Variants in ALG5 observed in about 807,000 individuals in gnomAD.
The protein encoded by ALG5 is ALG5 dolichyl-phosphate beta-glucosyltransferase.
ALG5 carries 26 observed loss-of-function variants against 51.8 expected under a neutral mutation model. The observed-to-expected ratio is 0.50, with a 90% CI of 0.37 to 0.70. ALG5 has a LOEUF of 0.70. Ranked by LOEUF, ALG5 falls within the 30% of genes least tolerant of loss-of-function variation. ALG5 has a pLI of 0.00. For synonymous variants in ALG5, 141 were observed against 136.1 expected (o/e 1.04, Z -0.25); for missense variants, 311 against 399.3 (o/e 0.78, Z 1.88).
chr13:36,967,741 G>A (rs1473961486), intron 7 of ALG5: 5 of 977,918 alleles, frequency 5.1e-6, no homozygotes, highest in African/African-American at 1.7e-5. Context: ...CTTGCTCAGT[G>A]CCTTCCATAC....
intron 8 of ALG5, 99 bp downstream of exon 8, chr13:36,965,476 A>C (rs976737563): frequency 2.4e-5 from 30 of 1,265,478 alleles, no homozygotes; most frequent in Non-Finnish European, 3.2e-5. Context: ...ATTTTGTTTA[A>C]ATCTACATGT....
intron 7 of ALG5, among the ~76,000 whole-genome samples, chr13:36,968,393 G>C (rs2058905070): frequency 6.6e-6 from 1 of 152,126 alleles, no homozygotes; most frequent in African/African-American, 2.4e-5. Context: ...AGAAGTCCCA[G>C]GACTTAAGCA....
intron 6 of ALG5, among the ~76,000 whole-genome samples, chr13:36,982,710 G>C (rs1444938759): frequency 6.6e-6 from 1 of 152,142 alleles, no homozygotes; most frequent in Non-Finnish European, 1.5e-5. Flanking sequence ...TATAAGCTTT[G>C]TCAGAACCAT....
intron 7 of ALG5, among the ~76,000 whole-genome samples, chr13:36,967,240 A>T (rs1480497323): frequency 6.6e-6 from 1 of 151,772 alleles, no homozygotes; most frequent in South Asian, 2.1e-4. Context: ...AAAAAAAAGA[A>T]AAAAAGAAAA....
intron 7 of ALG5, among the ~76,000 whole-genome samples, chr13:36,970,317 A>G (rs1453574255): frequency 1.3e-5 from 2 of 151,834 alleles, no homozygotes; most frequent in Non-Finnish European, 2.9e-5. Context: ...AATTACTTCT[A>G]AAAAAAAGAG....
chr13:36,949,905 C>G lies in ALG5; in HGVS notation c.*37G>C, dbSNP rs1301578493. 7.6e-7 allele frequency: 1 copy of G among 1,320,608 alleles called. No homozygotes were observed. The highest frequency in any genetic ancestry group is 1.5e-5 in the African/African-American group (1 of 67,670). 81.8% of individuals were successfully genotyped at this position (1,320,608 alleles called of 1,614,324 possible). A position where few individuals can be genotyped will look rare whatever the true frequency, so the allele number is the denominator to read the frequency against. On this transcript the variant is annotated 3_prime_UTR_variant, in exon 10 of 10. Transcript: ENST00000239891. ...GTTTCAAATGAAATGAAATGTGACA[C>G]TGAAGCATAAGAACACAACTGAAGA...
chr13:36,983,318 T>TA (rs2058987790), intron 6 of ALG5, among the ~76,000 whole-genome samples: 1 of 152,212 alleles, frequency 6.6e-6, no homozygotes, highest in Admixed American at 6.5e-5. Flanking sequence ...ATGAATGAGA[T>TA]TTTCCTTTTA....
chr13:36,993,653 G>A lies in ALG5; in HGVS notation c.305C>T (p.Thr102Ile). The A allele has an allele frequency of 6.2e-7, 1 of 1,613,630 alleles. No individual in the cohort carries two copies. Among genetic ancestry groups the A allele is most frequent in the Non-Finnish European group, 8.5e-7 (1 of 1,179,920 alleles). Residue 102 changes from threonine to isoleucine, a missense_variant, in exon 4 of 10, where the codon ACT becomes ATT. Coordinates refer to ENST00000239891, the MANE Select transcript of ALG5 (RefSeq NM_013338.5). ...EKRQKRDPAF[T>I]YEVIVVDDGS... is the part of the protein sequence containing the mutation. ...ATCATCAACTACTATCACTTCATAA[G>A]TGAACGCAGGATCTCGTTTCTGCAA...
At position 36,989,624 on chromosome 13, in the gene ALG5, G is replaced by T. The variant is rs2059016908; in HGVS notation, c.355-48C>A. The T allele has an allele frequency of 4.2e-6, 6 of 1,424,472 alleles. No individual in the cohort carries two copies. The African/African-American group carries it at 4.3e-5, about 10-fold the overall frequency. 88.2% of individuals were successfully genotyped at this position (1,424,472 alleles called of 1,614,324 possible). ...GAATAAAATTAATTTGGATTAAAGA[G>T]AATTATATAAGCTGTGTTTCTTGCT... is the stretch of plus-strand genomic sequence containing the variant. On this transcript the variant is annotated intron_variant, in intron 4 of 9. Transcript: ENST00000239891.
intron 8 of ALG5, among the ~76,000 whole-genome samples, chr13:36,955,170 T>C (rs893121897): frequency 1.3e-5 from 2 of 152,186 alleles, no homozygotes; most frequent in African/African-American, 4.8e-5. Flanking sequence ...AGGCAGGAGA[T>C]TGAAGGACTC....
intron 6 of ALG5, among the ~76,000 whole-genome samples, chr13:36,980,208 A>G (rs8000672): frequency 0.073 from 11,135 of 152,164 alleles, 1,377 homozygotes; most frequent in African/African-American, 0.25. Flanking sequence ...AGTGATCATC[A>G]TATACTTTGG....
Position 36,971,985 on chromosome 13 carries a change from T to C in ALG5, c.613A>G (p.Ile205Val), listed in dbSNP as rs139380212. Residue 205 changes from isoleucine (I) to valine (V), a missense_variant, in exon 7 of 10, where the codon ATT becomes GTT. By Grantham distance (29) the Ile-to-Val change is conservative. Coordinates refer to ENST00000239891, the MANE Select transcript of ALG5 (RefSeq NM_013338.5). ...GSRAHLEKES[I>V]AQRSYFRTLL... ...AATTAATGAAGTCTCACCTGAGCAATTGATTCTTTTTCTAAATGAGCTCGA... is the reference window on the plus strand; with the variant it reads ...AATTAATGAAGTCTCACCTGAGCAACTGATTCTTTTTCTAAATGAGCTCGA... The C allele has an allele frequency of 9.3e-6, 15 of 1,604,644 alleles. No individual in the cohort carries two copies. Among genetic ancestry groups the C allele is most frequent in the African/African-American group, 8.0e-5 (6 of 74,762 alleles).
At position 36,967,883 on chromosome 13, in the gene ALG5, A is replaced by T. The variant is rs182320607; in HGVS notation, c.622-2157T>A. The T allele has an allele frequency of 4.3e-4, 402 of 942,980 alleles. 1 individual carries two copies. The African/African-American group carries it at 5.6e-3, about 13-fold the overall frequency. The allele number at this position is 942,980 out of a possible 1,614,324, so 58.4% of individuals were successfully genotyped here. The stretch of plus-strand genomic sequence containing the variant: ...GGTAGAAAAACAATACCTATAAATT[A>T]TTCTCCTTGAGTGATTTTTAATGTG... On this transcript the variant is annotated intron_variant, in intron 7 of 9. Transcript: ENST00000239891.
chr13:36,975,686 T>A (rs1158938237), intron 6 of ALG5, among the ~76,000 whole-genome samples: 1 of 152,216 alleles, frequency 6.6e-6, no homozygotes, highest in Non-Finnish European at 1.5e-5. Flanking sequence ...GAGTCATAGA[T>A]GTAGAATACT....
intron 5 of ALG5, 45 bp downstream of exon 5, chr13:36,989,439 A>C (rs567918944): frequency 6.9e-7 from 1 of 1,455,144 alleles, no homozygotes; most frequent in African/African-American, 1.4e-5. Context: ...ACATTATTCA[A>C]GATACCTTCA....
At position 36,949,884 on chromosome 13, in the gene ALG5, C is replaced by A; in HGVS notation, c.*58G>T. ...TCAGCTTTACTTAAAATTTTAGTTT[C>A]AAATGAAATGAAATGTGACACTGAA... On this transcript the variant is annotated 3_prime_UTR_variant, in exon 10 of 10. Coordinates refer to ENST00000239891, the MANE Select transcript of ALG5 (RefSeq NM_013338.5). 1 of 1,072,564 alleles carries A rather than the reference C, an allele frequency of 9.3e-7. No homozygotes were observed. The highest frequency in any genetic ancestry group is 2.6e-5 in the East Asian group (1 of 38,086). The allele number at this position is 1,072,564 out of a possible 1,614,324, so 66.4% of individuals were successfully genotyped here. A position where few individuals can be genotyped will look rare whatever the true frequency, so the allele number is the denominator to read the frequency against.
chr13:36,969,583 G>A (rs1405548250), intron 7 of ALG5, among the ~76,000 whole-genome samples: 2 of 151,934 alleles, frequency 1.3e-5, no homozygotes, highest in African/African-American at 2.4e-5. Flanking sequence ...GCCCAGGCTG[G>A]AGTGCAGTGG....
intron 4 of ALG5, among the ~76,000 whole-genome samples, chr13:36,991,522 C>T (rs2059025243): frequency 2.0e-5 from 3 of 152,176 alleles, no homozygotes; most frequent in Admixed American, 1.3e-4. Flanking sequence ...GCAAACAGTG[C>T]CTCCTTCTTT....
At chr13:36,951,232 G>A (rs1288031383) in intron 9 of ALG5, among the ~76,000 whole-genome samples, 1 of 152,116 alleles carries the variant, frequency 6.6e-6, no homozygotes, top group Non-Finnish European at 1.5e-5. Flanking sequence ...ATAGAGTCTA[G>A]GTTGGCCAAA....
Sources: gnomAD v4.1 joint callset for allele counts (sites outside exome capture counted in the v4.1 genomes callset) on GRCh38, gnomAD v4.1.1 for gene constraint, MANE v1.5 for transcripts, NCBI Gene and HGNC (gene_info 2026-07-23, HGNC 2026-07-21) for gene names.